OR3A2: variants seen among roughly 807,000 people sequenced by gnomAD.
OR3A2 encodes the protein olfactory receptor family 3 subfamily A member 2.
For missense variants in OR3A2, 318 were observed against 392.8 expected, an observed-to-expected ratio of 0.81 and a Z score of 1.61; for synonymous variants, 126 against 159.3, an observed-to-expected ratio of 0.79 and a Z score of 1.57.
At chr17:3,374,163 C>G (rs1342497967) in intron 2 of OR3A2, among the ~76,000 whole-genome samples, 1 of 152,182 alleles carries the variant, frequency 6.6e-6, no homozygotes. Flanking sequence ...GTTGAGAAAT[C>G]TGCTGTTAAT....
At chr17:3,292,115 G>A in intron 3 of OR3A2, 1 of 1,614,188 alleles carries the variant, frequency 6.2e-7, no homozygotes, top group Non-Finnish European at 8.5e-7. Context: ...GTGCGTTGGT[G>A]AAAGCACAAG....
intron 3 of OR3A2, among the ~76,000 whole-genome samples, chr17:3,322,578 A>T (rs932268529): frequency 6.6e-6 from 1 of 151,954 alleles, no homozygotes; most frequent in Admixed American, 6.6e-5. Flanking sequence ...TGTGTGTTTG[A>T]TCCCATTGGT....
At chr17:3,357,479 A>G (rs546443780) in intron 2 of OR3A2, among the ~76,000 whole-genome samples, 1 of 151,802 alleles carries the variant, frequency 6.6e-6, no homozygotes, top group East Asian at 1.9e-4. Flanking sequence ...TATAATGTAT[A>G]ATTCCATTTT....
At chr17:3,282,993 C>A (rs2048786572) in intron 1 of OR3A2, among the ~76,000 whole-genome samples, 1 of 151,938 alleles carries the variant, frequency 6.6e-6, no homozygotes, top group South Asian at 2.1e-4. Context: ...TCTCTCTCTC[C>A]TTCTTCCTCT....
In OR3A2 at chr17:3,297,722, G is replaced by C. The variant is rs558057237; in HGVS notation, c.-84-18569C>G. 2.0e-4 allele frequency among the ~76,000 whole-genome samples: 30 copies of C among 147,822 alleles called. 1 individual carries two copies. Among genetic ancestry groups the C allele is most frequent in the African/African-American group, 8.0e-4 (30 of 37,414 alleles). ...TGTGTCACACTTTGCATACAGTAGG[G>C]TTCAATATTTCTGAAATAAATAAAT... is the stretch of plus-strand genomic sequence containing the variant. On this transcript the variant is annotated intron_variant, in intron 3 of 4. Transcript: ENST00000573491.
intron 2 of OR3A2, among the ~76,000 whole-genome samples, chr17:3,354,010 G>T (rs1341416133): frequency 2.0e-5 from 3 of 151,380 alleles, no homozygotes; most frequent in East Asian, 1.9e-4. Flanking sequence ...CACCATCTTT[G>T]CATCCCTGGG....
intron 3 of OR3A2, among the ~76,000 whole-genome samples, chr17:3,308,247 A>T (rs774153196): frequency 2.6e-5 from 4 of 152,152 alleles, no homozygotes; most frequent in Non-Finnish European, 5.9e-5. Context: ...AACAATGAGG[A>T]GGAGAAAAAT....
chr17:3,278,546 G>A (rs199713361), exon 2 of OR3A2: 2 of 1,612,868 alleles, frequency 1.2e-6, no homozygotes, highest in Non-Finnish European at 1.7e-6. Context: ...CCAGGAGTCG[G>A]TCATAGGCCA....
At chr17:3,365,375 G>T (rs2049553752) in intron 2 of OR3A2, among the ~76,000 whole-genome samples, 1 of 152,196 alleles carries the variant, frequency 6.6e-6, no homozygotes, top group African/African-American at 2.4e-5. Context: ...AGGAAATAAA[G>T]AAACTGAGGC....
intron 2 of OR3A2, among the ~76,000 whole-genome samples, chr17:3,372,242 T>C (rs230399): frequency 0.64 from 89,740 of 140,872 alleles, 29,345 homozygotes; most frequent in East Asian, 0.99. Flanking sequence ...CGGGCAGAGA[T>C]GCTCCTCACT....
chr17:3,324,057 C>A (rs2049149659), intron 3 of OR3A2, among the ~76,000 whole-genome samples: 2 of 152,022 alleles, frequency 1.3e-5, no homozygotes, highest in Non-Finnish European at 2.9e-5. Context: ...TTGTTCATTT[C>A]TTTTTGTTCT....
chr17:3,311,119 C>A lies in OR3A2; in HGVS notation c.-85+24914G>T. ...TACACAAGGCTGGGTTCAGTGGAGT[C>A]TTCGGACAAGGACAAGGGCATTGGC... On this transcript the variant is annotated intron_variant, in intron 3 of 4. Transcript: ENST00000573491. The surrounding 1 kb of genome is among the most constrained non-coding windows in gnomAD (Gnocchi z 4.6). The A allele has an allele frequency of 1.8e-6, 1 of 541,790 alleles. No homozygotes were observed. The highest frequency in any genetic ancestry group is 1.4e-5 in the South Asian group (1 of 72,318). 33.6% of individuals were successfully genotyped at this position (541,790 alleles called of 1,614,324 possible).
chr17:3,374,291 G>A (rs533361518), intron 2 of OR3A2, among the ~76,000 whole-genome samples: 162 of 152,154 alleles, frequency 1.1e-3, no homozygotes, highest in African/African-American at 3.4e-3. Context: ...TGATCTTTTC[G>A]CAATGAATTT....
chr17:3,357,585 G>A (rs893384328), intron 2 of OR3A2, among the ~76,000 whole-genome samples: 2 of 151,592 alleles, frequency 1.3e-5, no homozygotes, highest in African/African-American at 2.4e-5. Context: ...TTTGTTTAAT[G>A]GGTACAGAGT....
At chr17:3,278,177 G>A (rs985185180) in exon 2 of OR3A2, 2 of 1,614,250 alleles carry the variant, frequency 1.2e-6, no homozygotes, top group Non-Finnish European at 1.7e-6. Flanking sequence ...CCACGGTGAG[G>A]TGGGAGCCAC....
chr17:3,328,893 C>T (rs1259803598), intron 3 of OR3A2, among the ~76,000 whole-genome samples: 2 of 149,038 alleles, frequency 1.3e-5, no homozygotes, highest in Non-Finnish European at 1.5e-5. Context: ...CCATCAATAC[C>T]TAATTTATTG....
chr17:3,277,988 C>T (rs2048750805), exon 2 of OR3A2: 5 of 1,598,956 alleles, frequency 3.1e-6, no homozygotes, highest in Non-Finnish European at 4.3e-6. Flanking sequence ...GTGATCTCCT[C>T]CCCAAAAATA....
intron 3 of OR3A2, among the ~76,000 whole-genome samples, chr17:3,313,534 G>C (rs550232601): frequency 3.9e-5 from 6 of 152,330 alleles, no homozygotes; most frequent in Admixed American, 1.3e-4. Context: ...TCTGCCAAAG[G>C]CTGCCAAGTC....
At chr17:3,379,172 T>G (rs889136772) in intron 2 of OR3A2, among the ~76,000 whole-genome samples, 1 of 152,106 alleles carries the variant, frequency 6.6e-6, no homozygotes, top group African/African-American at 2.4e-5. Context: ...TGACTATCAG[T>G]TCCACAAGAA....
Sources: allele counts gnomAD v4.1 joint callset (sites outside exome capture counted in the v4.1 genomes callset), GRCh38; gene constraint gnomAD v4.1.1; non-coding constraint Gnocchi (gnomAD v3.1); transcripts MANE v1.5; gene names NCBI Gene and HGNC (gene_info 2026-07-23, HGNC 2026-07-21).